Variants in DBF4B observed in about 807,000 individuals in gnomAD.
DBF4B encodes the protein protein DBF4 homolog B.
A neutral mutation model predicts 53.4 loss-of-function variants in DBF4B; 49 were observed. The observed-to-expected ratio is 0.92, with a 90% CI of 0.73 to 1.16. The LOEUF is 1.16. DBF4B is among the 50% of genes most tolerant of loss of function. DBF4B has a pLI of 0.00. For missense variants in DBF4B, 692 were observed against 775.0 expected, an observed-to-expected ratio of 0.89 and a Z score of 1.27; for synonymous variants, 257 against 288.7, an observed-to-expected ratio of 0.89 and a Z score of 1.11.
At position 44,734,123 on chromosome 17, in the gene DBF4B, C is replaced by G. The variant is rs143162359; in HGVS notation, c.590C>G (p.Ala197Gly). The G allele has an allele frequency of 8.1e-6, 13 of 1,614,048 alleles. No homozygotes were observed. The highest frequency in any genetic ancestry group is 1.0e-5 in the Non-Finnish European group (12 of 1,180,038). Residue 197 changes from alanine (A) to glycine (G), a missense_variant, in exon 7 of 14, where the codon GCG (alanine) becomes GGG (glycine). By Grantham distance (60) the Ala-to-Gly change is moderately conservative. Around this residue, in one of 3 missense-constraint regions of DBF4B, gnomAD observed 597 missense variants for 665.8 expected, o/e 0.90. Coordinates refer to ENST00000315005, the MANE Select transcript of DBF4B (RefSeq NM_145663.3). Reference protein sequence around the residue: ...MMMHVQQLSLASLCVKKQQPK... With the variant: ...MMMHVQQLSLGSLCVKKQQPK... ...ATGCACGTGCAACAGCTGTCTCTTG[C>G]GTCTTTATGTGTGAAAAAACAACAG...
In DBF4B at chr17:44,748,416, C is replaced by T; in HGVS notation, c.1140C>T (p.Pro380=). 1 of 1,614,086 alleles carries T rather than the reference C, an allele frequency of 6.2e-7. No homozygotes were observed. ...ETLHPHQPSH[P]RAASPRIRKE... ...TGCACCCCCATCAGCCCTCCCATCC[C>T]AGGGCAGCATCTCCCAGGATAAGGA... The change falls in exon 13 of 14, where the codon CCC becomes CCT. Residue 380 remains proline (P), a synonymous_variant. Transcript: ENST00000315005.
chr17:44,726,266 G>A (rs11869381), intron 3 of DBF4B, among the ~76,000 whole-genome samples: 24,100 of 151,248 alleles, frequency 0.16, 1,950 homozygotes, highest in Middle Eastern at 0.21. Context: ...TGGGATTACA[G>A]GTGTGAGCCA....
chr17:44,742,389 G>A (rs1309484627), intron 10 of DBF4B, among the ~76,000 whole-genome samples: 4 of 139,800 alleles, frequency 2.9e-5, no homozygotes, highest in Non-Finnish European at 6.1e-5. Flanking sequence ...CAGCCTGGGT[G>A]ATAGAGCGAG....
At chr17:44,733,913 T>C in intron 6 of DBF4B, 177 bp from the exon 7 acceptor site, 1 of 602,330 alleles carries the variant, frequency 1.7e-6, no homozygotes, top group Non-Finnish European at 3.0e-6. Context: ...GAGGACCCAG[T>C]CCTTAACCTC....
At chr17:44,719,859 A>G (rs967949363) in intron 2 of DBF4B, 14 of 220,954 alleles carry the variant, frequency 6.3e-5, no homozygotes, top group African/African-American at 2.4e-5. Flanking sequence ...TTTCTAAAAC[A>G]TGTGAGTCCA....
At chr17:44,717,355 G>C (rs565884948) in intron 2 of DBF4B, among the ~76,000 whole-genome samples, 13 of 152,178 alleles carry the variant, frequency 8.5e-5, no homozygotes, top group East Asian at 7.7e-4. Context: ...ATAGTCAAAG[G>C]TTCCTACTCT....
At position 44,708,725 on chromosome 17, in the gene DBF4B, A is replaced by G. The variant is rs1228349091; in HGVS notation, c.-96A>G. The stretch of plus-strand genomic sequence containing the variant: ...ATGCTGTAGCTGCCCTGAGATAACC[A>G]GGACTGTGGAATCGGGAAGAGCTCA... On this transcript the variant is annotated 5_prime_UTR_variant, in exon 1 of 14. Transcript: ENST00000315005. 4.1e-6 allele frequency: 6 copies of G among 1,447,584 alleles called. No homozygotes were observed. The Middle Eastern group carries it at 5.3e-4, about 129-fold the overall frequency. 89.7% of individuals were successfully genotyped at this position (1,447,584 alleles called of 1,614,324 possible). A position where few individuals can be genotyped will look rare whatever the true frequency, so the allele number is the denominator to read the frequency against.
At chr17:44,725,691 T>A (rs1974266720) in intron 3 of DBF4B, among the ~76,000 whole-genome samples, 1 of 140,380 alleles carries the variant, frequency 7.1e-6, no homozygotes, top group African/African-American at 2.7e-5. Context: ...CTTCTTTTTT[T>A]TTTTTTTTTT....
intron 2 of DBF4B, among the ~76,000 whole-genome samples, chr17:44,715,165 A>C (rs933818167): frequency 2.6e-5 from 4 of 151,354 alleles, no homozygotes; most frequent in Non-Finnish European, 5.9e-5. Context: ...TGGATATTAG[A>C]TCTCATAGAT....
At chr17:44,739,771 T>A (rs1216669177) in intron 9 of DBF4B, among the ~76,000 whole-genome samples, 1 of 151,996 alleles carries the variant, frequency 6.6e-6, no homozygotes, top group East Asian at 1.9e-4. Context: ...AGATTTCTTG[T>A]GAAATTTTTT....
Position 44,748,189 on chromosome 17 carries a change from C to G in DBF4B, c.1065-152C>G, listed in dbSNP as rs2049159209. ...GCTGGTTGCTGCGGCAGGTTAGACC[C>G]AAACAGGAGGACTTTCACACAGGGC... On this transcript the variant is annotated intron_variant, in intron 12 of 13. Coordinates refer to ENST00000315005, the MANE Select transcript of DBF4B (RefSeq NM_145663.3). The G allele has an allele frequency of 1.6e-5, 17 of 1,065,432 alleles. 1 individual carries two copies. In the South Asian group the frequency reaches 2.7e-4, roughly 17 times the overall value. The allele number at this position is 1,065,432 out of a possible 1,614,324, so 66.0% of individuals were successfully genotyped here.
intron 5 of DBF4B, 186 bp downstream of exon 5, chr17:44,731,201 G>T: frequency 1.6e-6 from 1 of 635,212 alleles, no homozygotes. Flanking sequence ...CATTCACCTA[G>T]AGAGTAAGTG....
rs114089862 is a variant in DBF4B, at chr17:44,750,277, G to A, written c.1190-318G>A. On this transcript the variant is annotated intron_variant, in intron 13 of 13. Coordinates refer to ENST00000315005, the MANE Select transcript of DBF4B (RefSeq NM_145663.3). ...TTTTTCTTTCATTACAATTTGTACCGTGATTCTTCTCACCCTTCTCTGCGT... is the reference window on the plus strand; with the variant it reads ...TTTTTCTTTCATTACAATTTGTACCATGATTCTTCTCACCCTTCTCTGCGT... 1.2e-3 allele frequency: 1,314 copies of A among 1,092,822 alleles called. 13 individuals are homozygous for A. In the African/African-American group the frequency reaches 0.02, roughly 17 times the overall value. The allele number at this position is 1,092,822 out of a possible 1,614,324, so 67.7% of individuals were successfully genotyped here.
intron 10 of DBF4B, among the ~76,000 whole-genome samples, chr17:44,744,171 G>C (rs902460200): frequency 7.8e-5 from 11 of 140,528 alleles, no homozygotes; most frequent in Admixed American, 8.2e-5. Context: ...TAGCACTTTG[G>C]AAGACTGAGG....
At position 44,752,232 on chromosome 17, in the gene DBF4B, A is replaced by G. The variant is rs1598875263; in HGVS notation, c.*979A>G. 3 of 497,490 alleles carry G rather than the reference A, an allele frequency of 6.0e-6. No homozygotes were observed. In the East Asian group the frequency reaches 1.1e-4, roughly 18 times the overall value. 30.8% of individuals were successfully genotyped at this position (497,490 alleles called of 1,614,324 possible). On this transcript the variant is annotated 3_prime_UTR_variant, in exon 14 of 14. Coordinates refer to ENST00000315005, the MANE Select transcript of DBF4B (RefSeq NM_145663.3). ...GGGGCTTGGATGAGATGATTTCAGG[A>G]CCCTTTCCAATAATAAAATACTGTG...
At chr17:44,728,032 T>C (rs1723709306) in intron 3 of DBF4B, among the ~76,000 whole-genome samples, 1 of 152,026 alleles carries the variant, frequency 6.6e-6, no homozygotes, top group Non-Finnish European at 1.5e-5. Context: ...CAACAATTTA[T>C]TATTTCTCAT....
At chr17:44,726,292 T>A (rs201801975) in intron 3 of DBF4B, among the ~76,000 whole-genome samples, 1 of 132,052 alleles carries the variant, frequency 7.6e-6, no homozygotes, top group African/African-American at 2.9e-5. Context: ...CCCGGCCCTT[T>A]TTTATTTATT....
At chr17:44,746,466 T>C (rs1443105399) in intron 10 of DBF4B, among the ~76,000 whole-genome samples, 1 of 152,062 alleles carries the variant, frequency 6.6e-6, no homozygotes, top group African/African-American at 2.4e-5. Context: ...AGAGTTGGAA[T>C]TCCTACAAGG....
At chr17:44,709,442 C>T (rs532292924) in intron 2 of DBF4B, 76 bp downstream of exon 2, 7 of 1,488,866 alleles carry the variant, frequency 4.7e-6, no homozygotes, top group African/African-American at 2.8e-5. Flanking sequence ...GAAAAATGTT[C>T]CCCCTGTTGG....
Sources: allele counts gnomAD v4.1 joint callset (sites outside exome capture counted in the v4.1 genomes callset), GRCh38; gene constraint gnomAD v4.1.1; regional missense constraint gnomAD v4.1.1; transcripts MANE v1.5; gene names NCBI Gene and HGNC (gene_info 2026-07-23, HGNC 2026-07-21).